The following PDE2A variants were observed in gnomAD, a reference collection of about 807,000 sequenced individuals.
PDE2A encodes cGMP-dependent 3',5'-cyclic phosphodiesterase.
In PDE2A, 53 loss-of-function variants were observed where a neutral mutation model predicts 133.6. That is an observed-to-expected ratio of 0.40 (90% CI 0.32 to 0.50). PDE2A has a LOEUF of 0.50. Among genes scored for constraint, PDE2A ranks in the 20% least tolerant of loss-of-function variants. The pLI is 0.73. For synonymous variants in PDE2A, 491 were observed against 490.2 expected (o/e 1.00, Z -0.02); for missense variants, 796 against 1,232.4 (o/e 0.65, Z 5.30).
In PDE2A at chr11:72,579,518, C is replaced by A. The variant is rs777215585; in HGVS notation, c.2256+16G>T. ...CAGCTCCCCCTCAATCCCCACCCCACCCCCAACCCCATCACCTTCCGGGAG... is the reference window on the plus strand; with the variant it reads ...CAGCTCCCCCTCAATCCCCACCCCAACCCCAACCCCATCACCTTCCGGGAG... On this transcript the variant is annotated intron_variant, in intron 26 of 30. Coordinates refer to ENST00000334456, the MANE Select transcript of PDE2A (RefSeq NM_002599.5). 19 of 1,511,800 alleles carry A rather than the reference C, an allele frequency of 1.3e-5. No homozygotes were observed. The highest frequency in any genetic ancestry group is 1.7e-5 in the Non-Finnish European group (19 of 1,093,600). The allele number at this position is 1,511,800 out of a possible 1,614,324, so 93.6% of individuals were successfully genotyped here. A position where few individuals can be genotyped will look rare whatever the true frequency, so the allele number is the denominator to read the frequency against.
rs1302592343 is a variant in PDE2A at position 72,597,922 on chromosome 11, T to G, written c.324-303A>C. Among the ~76,000 whole-genome samples the G allele has an allele frequency of 6.6e-6, 1 of 152,118 alleles. No individual in the cohort carries two copies. The highest frequency in any genetic ancestry group is 1.5e-5 in the Non-Finnish European group (1 of 68,002). On this transcript the variant is annotated intron_variant, in intron 4 of 30. Transcript: ENST00000334456. This position sits in a 1 kb window ranked among gnomAD's most constrained non-coding sequence, Gnocchi z 4.6. ...GGAAGTGAATGCAGGGGCTCAAAGC[T>G]AGGCTGCCTGCTACAATCTGACCTT...
intron 1 of PDE2A, chr11:72,657,993 G>A (rs1317718699): frequency 2.2e-6 from 1 of 456,158 alleles, no homozygotes; most frequent in African/African-American, 2.0e-5. Context: ...AAGAGGGAGG[G>A]AGTTCATATG....
chr11:72,618,910 G>A (rs1468430410), intron 2 of PDE2A, among the ~76,000 whole-genome samples: 2 of 152,244 alleles, frequency 1.3e-5, no homozygotes, highest in Non-Finnish European at 2.9e-5. Context: ...CGCCAGGCAG[G>A]CAGGCTGACA....
intron 1 of PDE2A, among the ~76,000 whole-genome samples, chr11:72,649,524 C>G (rs987402512): frequency 6.6e-6 from 1 of 152,240 alleles, no homozygotes; most frequent in Non-Finnish European, 1.5e-5. Flanking sequence ...GGTGCAGCAA[C>G]CCCCTTTGTG....
chr11:72,582,417 C>A, intron 21 of PDE2A, 27 bp downstream of exon 21: 1 of 1,609,084 alleles, frequency 6.2e-7, no homozygotes, highest in South Asian at 1.1e-5. Context: ...TTCGGCCTGG[C>A]CAGTCAAGTG....
chr11:72,651,474 C>T (rs1358891826), intron 1 of PDE2A, among the ~76,000 whole-genome samples: 1 of 152,134 alleles, frequency 6.6e-6, no homozygotes, highest in Non-Finnish European at 1.5e-5. Flanking sequence ...AAGGGGCACG[C>T]AGGGAGAGGC....
intron 6 of PDE2A, among the ~76,000 whole-genome samples, chr11:72,594,648 T>A (rs1856390758): frequency 6.6e-6 from 1 of 152,048 alleles, no homozygotes; most frequent in Non-Finnish European, 1.5e-5. Context: ...CATGCACCCC[T>A]ACTTCAGCTT....
rs1050499167 is a variant in PDE2A at position 72,578,163 on chromosome 11, T to G, written c.2615+70A>C. On this transcript the variant is annotated intron_variant, in intron 30 of 30. Transcript: ENST00000334456. This position sits in a 1 kb window ranked among gnomAD's most constrained non-coding sequence, Gnocchi z 4.2. ...CCAGGCCAATCTCAGCACCTGTGTTTCCTGTGATGTCCCCACTCCAGCCTA... is the reference window on the plus strand; with the variant it reads ...CCAGGCCAATCTCAGCACCTGTGTTGCCTGTGATGTCCCCACTCCAGCCTA... 7 of 977,718 alleles carry G rather than the reference T, an allele frequency of 7.2e-6. No individual in the cohort carries two copies. The highest frequency in any genetic ancestry group is 1.2e-5 in the Non-Finnish European group (7 of 605,756). The allele number at this position is 977,718 out of a possible 1,614,324, so 60.6% of individuals were successfully genotyped here.
chr11:72,665,247 T>C (rs1248147393), intron 1 of PDE2A, among the ~76,000 whole-genome samples: 1 of 151,996 alleles, frequency 6.6e-6, no homozygotes, highest in Admixed American at 6.6e-5. Flanking sequence ...CCAGAGCCCA[T>C]GTTTGAGCCC....
intron 1 of PDE2A, among the ~76,000 whole-genome samples, chr11:72,644,646 C>G (rs1015474301): frequency 1.3e-5 from 2 of 152,272 alleles, no homozygotes; most frequent in African/African-American, 4.8e-5. Flanking sequence ...CCGACCCTGG[C>G]CTGGCACCGC....
chr11:72,608,507 G>A (rs545236565), intron 3 of PDE2A, among the ~76,000 whole-genome samples, 155 bp downstream of exon 3: 4 of 152,314 alleles, frequency 2.6e-5, no homozygotes, highest in Admixed American at 1.3e-4. Flanking sequence ...AGCTGTCTCA[G>A]AACACCCATC....
At chr11:72,642,438 A>T in intron 1 of PDE2A, 112 bp from the exon 2 acceptor site, 1 of 1,180,266 alleles carries the variant, frequency 8.5e-7, no homozygotes, top group Non-Finnish European at 1.1e-6. Context: ...CGTCCGCGAC[A>T]GCTTCGCCTG....
At chr11:72,645,192 G>A (rs1443687609) in intron 1 of PDE2A, among the ~76,000 whole-genome samples, 1 of 152,178 alleles carries the variant, frequency 6.6e-6, no homozygotes, top group Non-Finnish European at 1.5e-5. Context: ...ATTCCTCAGA[G>A]GGTTTGAGTC....
In PDE2A at chr11:72,671,695, C is replaced by T. The variant is rs142317774; in HGVS notation, c.71+2442G>A. Among the ~76,000 whole-genome samples the T allele has an allele frequency of 1.3e-4, 20 of 152,198 alleles. No individual in the cohort carries two copies. In the East Asian group the frequency reaches 3.5e-3, roughly 26 times the overall value. The stretch of plus-strand genomic sequence containing the variant: ...ACCAAGCTCAGCAACCAAGAGGTTC[C>T]GGGCAGGGCCTGAAGGAGAATGATA... On this transcript the variant is annotated intron_variant, in intron 1 of 30. Transcript: ENST00000334456.
At chr11:72,618,995 T>C (rs988513132) in intron 2 of PDE2A, among the ~76,000 whole-genome samples, 4 of 152,186 alleles carry the variant, frequency 2.6e-5, no homozygotes, top group African/African-American at 4.8e-5. Flanking sequence ...TCTCTCCTAC[T>C]TTCCTTCCTC....
intron 22 of PDE2A, 120 bp downstream of exon 22, chr11:72,581,757 A>C: frequency 1.0e-6 from 1 of 985,230 alleles, no homozygotes; most frequent in Non-Finnish European, 1.6e-6. Flanking sequence ...CCCCACCCCC[A>C]TAAGACTGGG....
intron 1 of PDE2A, among the ~76,000 whole-genome samples, chr11:72,663,242 A>C (rs1418259884): frequency 6.6e-6 from 1 of 152,142 alleles, no homozygotes; most frequent in African/African-American, 2.4e-5. Context: ...GGGCACCCTC[A>C]AGGCCAGTTG....
intron 2 of PDE2A, among the ~76,000 whole-genome samples, chr11:72,637,790 A>T (rs1355507628): frequency 6.6e-6 from 1 of 152,236 alleles, no homozygotes; most frequent in Non-Finnish European, 1.5e-5. Flanking sequence ...GCATGGGACA[A>T]GGAAGAAGGT....
chr11:72,608,813 C>T (rs2135361624), intron 2 of PDE2A, 62 bp from the exon 3 acceptor site: 3 of 897,532 alleles, frequency 3.3e-6, no homozygotes, highest in Middle Eastern at 2.1e-4. Flanking sequence ...CCCCATCTGC[C>T]CAAAGGACTG....
Sources: allele counts gnomAD v4.1 joint callset (sites outside exome capture counted in the v4.1 genomes callset), GRCh38; gene constraint gnomAD v4.1.1; non-coding constraint Gnocchi (gnomAD v3.1); transcripts MANE v1.5; gene names NCBI Gene and HGNC (gene_info 2026-07-23, HGNC 2026-07-21).